Variants in GSDMC observed in about 807,000 individuals in gnomAD.
GSDMC encodes the protein gasdermin C.
Under a neutral mutation model 58.0 loss-of-function variants are expected in GSDMC, and 59 were observed. The observed-to-expected ratio is 1.02, with a 90% CI of 0.82 to 1.26. The LOEUF (loss-of-function observed/expected upper bound fraction) is 1.26. Among genes scored for constraint, GSDMC ranks in the 50% most tolerant of loss-of-function variants. The pLI, the probability that GSDMC is intolerant of heterozygous loss-of-function variation, is 0.00. For missense variants in GSDMC, 659 were observed against 598.5 expected, an observed-to-expected ratio of 1.10 and a Z score of -1.06; for synonymous variants, 241 against 220.2, an observed-to-expected ratio of 1.09 and a Z score of -0.83.
chr8:129,711,483 T>C, the GSDMC span, among the ~76,000 whole-genome samples: 1 of 152,130 alleles, frequency 6.6e-6, no homozygotes. Context: ...ACAGAGACCA[T>C]TTTTTCTTGA....
chr8:129,750,308 A>C (rs2033132422), intron 11 of GSDMC, 123 bp downstream of exon 11: 1 of 1,142,062 alleles, frequency 8.8e-7, no homozygotes, highest in Non-Finnish European at 1.2e-6. Flanking sequence ...CAGAGTCCCC[A>C]GTCTTTCTCA....
chr8:129,721,298 A>G, the GSDMC span, among the ~76,000 whole-genome samples: 2 of 152,180 alleles, frequency 1.3e-5, no homozygotes, highest in African/African-American at 4.8e-5. Context: ...ACATGTCTAC[A>G]GTAGGTTTCA....
At chr8:129,738,544 C>T in the GSDMC span, among the ~76,000 whole-genome samples, 425 of 152,296 alleles carry the variant, frequency 2.8e-3, 3 homozygotes, top group Non-Finnish European at 3.6e-3. Context: ...TCTCAGCAAA[C>T]TATCACAAGG....
At chr8:129,743,941 T>C (rs2130293816), downstream of GSDMC, among the ~76,000 whole-genome samples, 1 of 152,342 alleles carries the variant, frequency 6.6e-6, no homozygotes, top group Middle Eastern at 3.4e-3. Context: ...AGGCTACAGC[T>C]AGCTGATAGC....
intron 6 of GSDMC, among the ~76,000 whole-genome samples, chr8:129,753,525 C>T (rs2033303115): frequency 1.3e-5 from 2 of 152,202 alleles, no homozygotes; most frequent in Admixed American, 6.5e-5. Context: ...GGGCCTTGGG[C>T]TCTGAGATGT....
At chr8:129,718,547 G>T in the GSDMC span, among the ~76,000 whole-genome samples, 2 of 152,312 alleles carry the variant, frequency 1.3e-5, no homozygotes, top group Non-Finnish European at 2.9e-5. Flanking sequence ...TGCTGGAGAG[G>T]ATGTGGAGAA....
chr8:129,711,375 T>C, the GSDMC span, among the ~76,000 whole-genome samples: 2 of 152,234 alleles, frequency 1.3e-5, no homozygotes, highest in Non-Finnish European at 2.9e-5. Context: ...GGAAGAGATT[T>C]GTTGATTTAC....
chr8:129,729,940 G>A, the GSDMC span: 19 of 1,497,778 alleles, frequency 1.3e-5, no homozygotes, highest in Non-Finnish European at 1.6e-5. Flanking sequence ...AACACTAAGC[G>A]AGCCAGTGGA....
In GSDMC at chr8:129,752,750, G is replaced by C. The variant is rs372918926; in HGVS notation, c.792C>G (p.Thr264=). The C allele has an allele frequency of 3.9e-5, 63 of 1,614,064 alleles. No individual in the cohort carries two copies. The highest frequency in any genetic ancestry group is 5.3e-5 in the Non-Finnish European group (63 of 1,180,038). ...AGGCATTGAAGAGGGTTGGAGAGAT[G>C]GTATGAAATGATGGTAGCAACCCCT... ...RSEGLLPSFH[T]ISPTLFNASS... is the part of the protein sequence containing the mutation. Residue 264 remains threonine (T), a synonymous_variant, in exon 7 of 14, where the codon ACC becomes ACG. Transcript: ENST00000276708.
intron 4 of GSDMC, among the ~76,000 whole-genome samples, chr8:129,763,954 T>C (rs543896143): frequency 6.6e-6 from 1 of 152,332 alleles, no homozygotes; most frequent in South Asian, 2.1e-4. Flanking sequence ...TTTTGCTTTT[T>C]GACCCTTCTA....
intron 1 of GSDMC, among the ~76,000 whole-genome samples, chr8:129,783,000 T>C (rs2034458407): frequency 2.0e-5 from 3 of 151,952 alleles, no homozygotes; most frequent in Non-Finnish European, 4.4e-5. Context: ...ATTAAAAATA[T>C]CATTTATCAT....
intron 3 of GSDMC, among the ~76,000 whole-genome samples, chr8:129,775,237 A>T (rs61417675): frequency 9.8e-5 from 15 of 152,334 alleles, no homozygotes; most frequent in African/African-American, 3.6e-4. Flanking sequence ...TCAGCCATAA[A>T]AAAGGAAGAA....
chr8:129,733,176 G>T, the GSDMC span, among the ~76,000 whole-genome samples: 3 of 152,260 alleles, frequency 2.0e-5, no homozygotes, highest in Non-Finnish European at 2.9e-5. Context: ...AAAGTGGGCA[G>T]AGCCCACCAC....
At chr8:129,709,608 A>ATAGATAGG in the GSDMC span, among the ~76,000 whole-genome samples, 1 of 151,556 alleles carries the variant, frequency 6.6e-6, no homozygotes, top group African/African-American at 2.4e-5. Flanking sequence ...AGATAGATAG[A>ATAGATAGG]TAGATAGATA....
intron 9 of GSDMC, 138 bp from the exon 10 acceptor site, chr8:129,751,706 C>CA: frequency 9.0e-7 from 1 of 1,107,678 alleles, no homozygotes; most frequent in South Asian, 1.4e-5. Context: ...ATTCATCCTC[C>CA]ATGTTCTCAG....
At chr8:129,731,811 T>C in the GSDMC span, among the ~76,000 whole-genome samples, 1 of 152,246 alleles carries the variant, frequency 6.6e-6, no homozygotes, top group Admixed American at 6.5e-5. Context: ...AAAAGTTAAA[T>C]ATCTAAAATT....
Position 129,786,522 on chromosome 8 carries a change from T to C in GSDMC, c.-516A>G, listed in dbSNP as rs2034559574. 6.6e-6 allele frequency: 1 copy of C among 152,194 alleles called. No homozygotes were observed. The highest frequency in any genetic ancestry group is 1.5e-5 in the Non-Finnish European group (1 of 68,042). 9.4% of individuals were successfully genotyped at this position (152,194 alleles called of 1,614,324 possible). A position where few individuals can be genotyped will look rare whatever the true frequency, so the allele number is the denominator to read the frequency against. ...TGGAAAAATAAGCACAGGAGGGCCC[T>C]GTTCATTTCCAGAAGAGTAAGTCTG... On this transcript the variant is annotated 5_prime_UTR_variant, in exon 1 of 14. Coordinates refer to ENST00000276708, the MANE Select transcript of GSDMC (RefSeq NM_031415.3).
chr8:129,752,199 T>C, intron 7 of GSDMC, 52 bp from the exon 8 acceptor site: 1 of 1,386,394 alleles, frequency 7.2e-7, no homozygotes. Flanking sequence ...CTACCCCTAC[T>C]TTTCCTCCTC....
Position 129,751,549 on chromosome 8 carries a change from G to T in GSDMC, c.936C>A (p.Phe312Leu), listed in dbSNP as rs754732316. 1 of 1,611,000 alleles carries T rather than the reference G, an allele frequency of 6.2e-7. No individual in the cohort carries two copies. The highest frequency in any genetic ancestry group is 8.5e-7 in the Non-Finnish European group (1 of 1,178,210). The change falls in exon 10 of 14, where the codon TTC becomes TTA. Residue 312 changes from phenylalanine (F) to leucine (L), a missense_variant. Coordinates refer to ENST00000276708, the MANE Select transcript of GSDMC (RefSeq NM_031415.3). ...CCCTTAATAAATACTTACTTTGCCA[G>T]AAGGGTTCCTCTATTCTTCCTAGAA... is the stretch of plus-strand genomic sequence containing the variant. ...ILPVGRIEEP[F>L]WQNFKHLQEE...
Sources: allele counts gnomAD v4.1 joint callset (sites outside exome capture counted in the v4.1 genomes callset), GRCh38; gene constraint gnomAD v4.1.1; transcripts MANE v1.5; gene names NCBI Gene and HGNC (gene_info 2026-07-23, HGNC 2026-07-21).